SLC9A1: variants seen among roughly 807,000 people sequenced by gnomAD.
SLC9A1 encodes solute carrier family 9 member A1.
Under a neutral mutation model 67.9 loss-of-function variants are expected in SLC9A1, and 22 were observed. That is an observed-to-expected ratio of 0.32 (90% CI 0.23 to 0.46). The LOEUF is 0.46. SLC9A1 is among the 20% of genes least tolerant of loss of function. The pLI is 1.00. For missense variants in SLC9A1, 686 were observed against 1,094.8 expected (o/e 0.63, Z 5.27); for synonymous variants, 421 against 471.8 (o/e 0.89, Z 1.40).
chr1:27,107,257 C>A (rs199585242), intron 4 of SLC9A1, among the ~76,000 whole-genome samples: 2 of 130,918 alleles, frequency 1.5e-5, no homozygotes, highest in East Asian at 2.6e-4. Flanking sequence ...CCCAGCCCTT[C>A]CACATATACA....
chr1:27,134,563 C>T (rs1394436920), intron 1 of SLC9A1, among the ~76,000 whole-genome samples: 1 of 152,182 alleles, frequency 6.6e-6, no homozygotes, highest in Non-Finnish European at 1.5e-5. Context: ...TGGCCAGATC[C>T]TGGGTTCCAC....
At position 27,154,672 on chromosome 1, in the gene SLC9A1, G is replaced by T; in HGVS notation, c.-338C>A. 1 of 217,552 alleles carries T rather than the reference G, an allele frequency of 4.6e-6. No individual in the cohort carries two copies. The allele number at this position is 217,552 out of a possible 1,614,324, so 13.5% of individuals were successfully genotyped here. A position where few individuals can be genotyped will look rare whatever the true frequency, so the allele number is the denominator to read the frequency against. On this transcript the variant is annotated 5_prime_UTR_variant, in exon 1 of 12. Transcript: ENST00000263980. ...GGGGCAGGATAGGGATAGTGCAAAG[G>T]AAAGGAAGAAGGAAGGCTGGGACCT... is the stretch of plus-strand genomic sequence containing the variant.
chr1:27,114,987 G>A lies in SLC9A1; in HGVS notation c.353-701C>T, dbSNP rs1433827935. 6.6e-6 allele frequency among the ~76,000 whole-genome samples: 1 copy of A among 152,158 alleles called. No individual in the cohort carries two copies. Among genetic ancestry groups the A allele is most frequent in the Non-Finnish European group, 1.5e-5 (1 of 68,030 alleles). Reference sequence around the variant, plus strand: ...TGTCAGTGGCAACCAGCTTTGGCAGGTGAGATAAAATCTATTTGCTATCCC... The same window carrying A: ...TGTCAGTGGCAACCAGCTTTGGCAGATGAGATAAAATCTATTTGCTATCCC... On this transcript the variant is annotated intron_variant, in intron 1 of 11. Transcript: ENST00000263980. This position sits in a 1 kb window ranked among gnomAD's most constrained non-coding sequence, Gnocchi z 5.4.
At chr1:27,130,495 C>A (rs2083377516) in intron 1 of SLC9A1, among the ~76,000 whole-genome samples, 3 of 152,136 alleles carry the variant, frequency 2.0e-5, no homozygotes. Flanking sequence ...TATTTGGCAC[C>A]CTAGTAATGG....
At chr1:27,129,320 C>T (rs1181672951) in intron 1 of SLC9A1, among the ~76,000 whole-genome samples, 1 of 152,190 alleles carries the variant, frequency 6.6e-6, no homozygotes, top group Non-Finnish European at 1.5e-5. Context: ...GCTTGGAGGG[C>T]CTCTCCCTGC....
chr1:27,150,190 A>G (rs2083517115), intron 1 of SLC9A1, among the ~76,000 whole-genome samples: 1 of 152,168 alleles, frequency 6.6e-6, no homozygotes, highest in Admixed American at 6.6e-5. Context: ...TCTGATATCC[A>G]TGCATGTGAA....
intron 1 of SLC9A1, among the ~76,000 whole-genome samples, chr1:27,136,662 T>G (rs2083422400): frequency 6.6e-6 from 1 of 152,096 alleles, no homozygotes; most frequent in South Asian, 2.1e-4. Context: ...GATACCCCTC[T>G]CCGGCTACAT....
Position 27,114,297 on chromosome 1 carries a change from CGA to C in SLC9A1, c.353-13_353-12del. 6.3e-7 allele frequency: 1 copy of C among 1,598,118 alleles called. No individual in the cohort carries two copies. Among genetic ancestry groups the C allele is most frequent in the Non-Finnish European group, 8.6e-7 (1 of 1,168,340 alleles). On this transcript the variant is annotated splice_polypyrimidine_tract_variant and intron_variant, in intron 1 of 11. Transcript: ENST00000263980. The surrounding 1 kb of genome is among the most constrained non-coding windows in gnomAD (Gnocchi z 5.4). ...GGATCACATGGAAACCTGCGGAGGG[CGA>C]GAGAACGGGAGGCCATGGGCTTTCG...
intron 1 of SLC9A1, among the ~76,000 whole-genome samples, chr1:27,125,388 G>A (rs2124175315): frequency 6.6e-6 from 1 of 150,564 alleles, no homozygotes; most frequent in Middle Eastern, 3.5e-3. Flanking sequence ...TGGCATTACA[G>A]GCACATGCTA....
chr1:27,139,935 G>C (rs2083443854), intron 1 of SLC9A1, among the ~76,000 whole-genome samples: 1 of 151,964 alleles, frequency 6.6e-6, no homozygotes, highest in African/African-American at 2.4e-5. Flanking sequence ...TGGGATTAGA[G>C]ACTTGCACCA....
At chr1:27,132,174 A>AT in intron 1 of SLC9A1, among the ~76,000 whole-genome samples, 1 of 152,096 alleles carries the variant, frequency 6.6e-6, no homozygotes, top group African/African-American at 2.4e-5. Context: ...CATACGAGCC[A>AT]CAGAGAAAAT....
intron 1 of SLC9A1, among the ~76,000 whole-genome samples, chr1:27,131,312 G>C (rs1490565478): frequency 1.3e-5 from 2 of 152,062 alleles, no homozygotes; most frequent in East Asian, 3.9e-4. Flanking sequence ...AATGATAGTG[G>C]CTGGGTGTGG....
At chr1:27,124,586 G>C (rs934566757) in intron 1 of SLC9A1, among the ~76,000 whole-genome samples, 1 of 152,216 alleles carries the variant, frequency 6.6e-6, no homozygotes, top group Non-Finnish European at 1.5e-5. Context: ...AGGAATGCGG[G>C]GGACCGCAAA....
chr1:27,147,130 ACAAAC>A (rs2083491517), intron 1 of SLC9A1, among the ~76,000 whole-genome samples: 2 of 151,570 alleles, frequency 1.3e-5, no homozygotes, highest in Non-Finnish European at 2.9e-5. Context: ...AAACAAACAA[ACAAAC>A]AAAAAAACCA....
chr1:27,123,598 C>T (rs939107919), intron 1 of SLC9A1, among the ~76,000 whole-genome samples: 18 of 151,858 alleles, frequency 1.2e-4, no homozygotes, highest in East Asian at 1.9e-4. Context: ...GCAACCTCCG[C>T]CTCCTGGGTT....
chr1:27,131,947 A>AAAAAAAAAAAAAATATAT, intron 1 of SLC9A1, among the ~76,000 whole-genome samples: 1 of 52,124 alleles, frequency 1.9e-5, no homozygotes, highest in African/African-American at 6.4e-5. Flanking sequence ...AGAAAAAAAA[A>AAAAAAAAAAAAAATATAT]ATATATATAT....
intron 1 of SLC9A1, among the ~76,000 whole-genome samples, chr1:27,131,081 C>T (rs930210602): frequency 3.9e-5 from 6 of 152,232 alleles, no homozygotes; most frequent in African/African-American, 1.4e-4. Flanking sequence ...TGATCCCACA[C>T]ATGGCACTGG....
At position 27,100,507 on chromosome 1, in the gene SLC9A1, T is replaced by C; in HGVS notation, c.2248A>G (p.Lys750Glu). 8.1e-6 allele frequency: 13 copies of C among 1,614,122 alleles called. No homozygotes were observed. Among genetic ancestry groups the C allele is most frequent in the Non-Finnish European group, 1.0e-5 (12 of 1,179,978 alleles). Residue 750 changes from lysine to glutamate, a missense_variant, in exon 12 of 12, where the codon AAG (lysine) becomes GAG (glutamate). Physicochemically the swap from Lys to Glu is moderately conservative, Grantham distance 56. Around this residue, in one of 7 missense-constraint regions of SLC9A1, gnomAD observed 226 missense variants for 282.4 expected, o/e 0.80. Coordinates refer to ENST00000263980, the MANE Select transcript of SLC9A1 (RefSeq NM_003047.5). This position sits in a 1 kb window ranked among gnomAD's most constrained non-coding sequence, Gnocchi z 5.6. ...KVLGLSRDPA[K>E]VAEEDEDDDG... ...TCGTCCTCGTCCTCCTCAGCCACCT[T>C]TGCAGGATCCCGGCTCAACCCTAAG...
At chr1:27,139,491 C>T (rs542883701) in intron 1 of SLC9A1, among the ~76,000 whole-genome samples, 2 of 152,316 alleles carry the variant, frequency 1.3e-5, no homozygotes, top group South Asian at 2.1e-4. Context: ...ATGCACTATG[C>T]GAAGCCCTGA....
Sources: gnomAD v4.1 joint callset for allele counts (sites outside exome capture counted in the v4.1 genomes callset) on GRCh38, gnomAD v4.1.1 for gene constraint, gnomAD v4.1.1 regional missense constraint, Gnocchi (gnomAD v3.1) non-coding constraint, MANE v1.5 for transcripts, NCBI Gene and HGNC (gene_info 2026-07-23, HGNC 2026-07-21) for gene names.